Variants in RBFOX1 observed in about 807,000 individuals in gnomAD.
The protein encoded by RBFOX1 is RNA binding protein fox-1 homolog 1.
In RBFOX1, 8 loss-of-function variants were observed where a neutral mutation model predicts 57.7. The observed-to-expected ratio is 0.14, with a 90% CI of 0.08 to 0.25. The LOEUF (loss-of-function observed/expected upper bound fraction) is 0.25, where lower values mean the gene tolerates loss of function less well. RBFOX1 is among the 10% of genes least tolerant of loss of function. The pLI, the probability that RBFOX1 is intolerant of heterozygous loss-of-function variation, is 1.00. For missense variants in RBFOX1, 611 were observed against 548.5 expected (o/e 1.11, Z -1.14); for synonymous variants, 326 against 222.4 (o/e 1.47, Z -4.15).
At chr16:7,620,435 C>T (rs777404097) in intron 10 of RBFOX1, among the ~76,000 whole-genome samples, 9 of 152,294 alleles carry the variant, frequency 5.9e-5, no homozygotes, top group South Asian at 2.1e-4. Context: ...AAATCTCAGA[C>T]GTTCATTATT....
At chr16:5,499,932 T>A (rs17137957) in intron 2 of RBFOX1, among the ~76,000 whole-genome samples, 1 of 152,176 alleles carries the variant, frequency 6.6e-6, no homozygotes, top group African/African-American at 2.4e-5. Context: ...ACATTTCAAT[T>A]TTTCATTCAG....
At chr16:6,957,906 C>G (rs960859609) in intron 3 of RBFOX1, among the ~76,000 whole-genome samples, 1 of 152,124 alleles carries the variant, frequency 6.6e-6, no homozygotes, top group Non-Finnish European at 1.5e-5. Flanking sequence ...CTCCCTTTTC[C>G]ATGCAGGACA....
At chr16:7,272,536 T>C (rs2095344233) in intron 4 of RBFOX1, among the ~76,000 whole-genome samples, 1 of 152,226 alleles carries the variant, frequency 6.6e-6, no homozygotes, top group African/African-American at 2.4e-5. Flanking sequence ...CATCATTCAT[T>C]CATTCATCAA....
chr16:6,246,903 T>A (rs2097572291), intron 1 of RBFOX1, among the ~76,000 whole-genome samples: 1 of 152,102 alleles, frequency 6.6e-6, no homozygotes, highest in Admixed American at 6.5e-5. Flanking sequence ...ACCCTGTCTC[T>A]ACTAAAAATG....
At chr16:5,627,483 G>A (rs2048379301) in intron 3 of RBFOX1, among the ~76,000 whole-genome samples, 1 of 152,028 alleles carries the variant, frequency 6.6e-6, no homozygotes, top group Admixed American at 6.6e-5. Context: ...AAATGCTATT[G>A]CTTTGAGTAC....
intron 1 of RBFOX1, among the ~76,000 whole-genome samples, chr16:5,413,449 T>C (rs1031695816): frequency 5.9e-5 from 9 of 152,118 alleles, no homozygotes; most frequent in African/African-American, 2.2e-4. Context: ...TTCAAATAAT[T>C]AAAATACAAT....
chr16:7,702,973 G>C (rs1392520417), intron 14 of RBFOX1, among the ~76,000 whole-genome samples: 1 of 152,142 alleles, frequency 6.6e-6, no homozygotes, highest in African/African-American at 2.4e-5. Flanking sequence ...CTTCTTACCT[G>C]GTGCCCCAGA....
chr16:6,911,959 G>A (rs1394561696), intron 3 of RBFOX1, among the ~76,000 whole-genome samples: 1 of 152,152 alleles, frequency 6.6e-6, no homozygotes, highest in Non-Finnish European at 1.5e-5. Context: ...CCAATCCTTT[G>A]AGGCTTGGGA....
chr16:7,466,853 T>A lies in RBFOX1; in HGVS notation c.28-51294T>A, dbSNP rs375905262. Among the ~76,000 whole-genome samples, 12 of 152,184 alleles carry A rather than the reference T, an allele frequency of 7.9e-5. No homozygotes were observed. In the East Asian group the frequency reaches 2.3e-3, roughly 29 times the overall value. ...TACTTCCAAAGGAATAAGGACAAAT[T>A]AGAGCAGGAAGAGACCAAAATGGTA... On this transcript the variant is annotated intron_variant, in intron 4 of 15. Coordinates refer to ENST00000550418, the MANE Select transcript of RBFOX1 (RefSeq NM_018723.4).
intron 1 of RBFOX1, among the ~76,000 whole-genome samples, chr16:6,032,103 C>A (rs1381963674): frequency 6.6e-6 from 1 of 151,998 alleles, no homozygotes; most frequent in Non-Finnish European, 1.5e-5. Flanking sequence ...TAGCCTCTTT[C>A]TTAAAGGTTC....
intron 4 of RBFOX1, among the ~76,000 whole-genome samples, chr16:7,096,544 C>T (rs1225047871): frequency 6.6e-6 from 1 of 152,062 alleles, no homozygotes; most frequent in Non-Finnish European, 1.5e-5. Flanking sequence ...GGATTGAATT[C>T]CTTACCTACC....
At chr16:7,269,730 A>C (rs866330113) in intron 4 of RBFOX1, among the ~76,000 whole-genome samples, 8 of 152,276 alleles carry the variant, frequency 5.3e-5, no homozygotes, top group Admixed American at 1.3e-4. Flanking sequence ...CTTATACTCA[A>C]GTCTTTGTTT....
In RBFOX1 at chr16:7,517,203, G is replaced by A. The variant is rs1003747835; in HGVS notation, c.28-944G>A. 3.8e-4 allele frequency among the ~76,000 whole-genome samples: 57 copies of A among 150,714 alleles called. 1 individual carries two copies. The highest frequency in any genetic ancestry group is 1.6e-3 in the East Asian group (8 of 5,026). On this transcript the variant is annotated intron_variant, in intron 4 of 15. Coordinates refer to ENST00000550418, the MANE Select transcript of RBFOX1 (RefSeq NM_018723.4). ...TGTGTGTGTGTTGTGGTAGAACTGT[G>A]GAGGAGGAGGTAAAGAGAGAGAGCT...
chr16:5,819,278 C>T (rs987303225), intron 3 of RBFOX1, among the ~76,000 whole-genome samples: 1 of 152,190 alleles, frequency 6.6e-6, no homozygotes, highest in Non-Finnish European at 1.5e-5. Context: ...TCTCTGGGAT[C>T]TCTTTTATAA....
chr16:6,638,362 A>T (rs1005660002), intron 2 of RBFOX1, among the ~76,000 whole-genome samples: 7 of 152,096 alleles, frequency 4.6e-5, no homozygotes, highest in East Asian at 1.9e-4. Context: ...ATACATGTTC[A>T]TTTTTTCTTC....
chr16:6,795,748 A>C (rs566355364), intron 3 of RBFOX1, among the ~76,000 whole-genome samples: 3 of 151,330 alleles, frequency 2.0e-5, no homozygotes, highest in Middle Eastern at 3.2e-3. Flanking sequence ...CCTGGGTGAC[A>C]GAGTGAAACT....
At chr16:6,530,530 G>A (rs1462336669) in intron 2 of RBFOX1, among the ~76,000 whole-genome samples, 1 of 152,128 alleles carries the variant, frequency 6.6e-6, no homozygotes, top group Admixed American at 6.5e-5. Context: ...ACATGCAGGG[G>A]CTTCTTTGCT....
chr16:7,264,802 C>T (rs1439916228), intron 4 of RBFOX1, among the ~76,000 whole-genome samples: 1 of 152,060 alleles, frequency 6.6e-6, no homozygotes, highest in Non-Finnish European at 1.5e-5. Context: ...ATTTGCCAGC[C>T]CTGGTCCAAA....
intron 3 of RBFOX1, among the ~76,000 whole-genome samples, chr16:6,803,298 C>G (rs13336877): frequency 0.019 from 2,826 of 152,284 alleles, 94 homozygotes; most frequent in African/African-American, 0.064. Flanking sequence ...CATCCCAGAA[C>G]TGGCATTGTT....
Sources: gnomAD v4.1 joint callset for allele counts (sites outside exome capture counted in the v4.1 genomes callset) on GRCh38, gnomAD v4.1.1 for gene constraint, MANE v1.5 for transcripts, NCBI Gene and HGNC (gene_info 2026-07-23, HGNC 2026-07-21) for gene names.